Variants in KDM5B observed in about 807,000 individuals in gnomAD.
KDM5B encodes the protein lysine-specific demethylase 5B.
A neutral mutation model predicts 193.4 loss-of-function variants in KDM5B; 144 were observed. That is an observed-to-expected ratio of 0.74 (90% confidence interval 0.65 to 0.86). KDM5B has a LOEUF of 0.86. Among genes scored for constraint, KDM5B ranks in the 40% least tolerant of loss-of-function variants. The pLI is 0.00. For synonymous variants in KDM5B, 668 were observed against 682.6 expected (o/e 0.98, Z 0.33); for missense variants, 1,833 against 1,886.9 (o/e 0.97, Z 0.53).
At chr1:202,756,258 T>C in intron 10 of KDM5B, 100 bp downstream of exon 10, 2 of 940,980 alleles carry the variant, frequency 2.1e-6, no homozygotes, top group South Asian at 3.8e-5. Flanking sequence ...ATTAAAAATC[T>C]GGTAATTAAG....
rs1447474133 is a variant in KDM5B, at chr1:202,792,233, TTGG to T, written c.205-15142_205-15140del. Among the ~76,000 whole-genome samples the T allele has an allele frequency of 2.6e-5, 4 of 151,898 alleles. No homozygotes were observed. In the East Asian group the frequency reaches 7.8e-4, roughly 29 times the overall value. On this transcript the variant is annotated intron_variant, in intron 1 of 26. Coordinates refer to ENST00000367265, the MANE Select transcript of KDM5B (RefSeq NM_006618.5). ...TTTGTTTTCTATATTTTGAGGGATT[TTGG>T]TGTTTAGATTTTTTTTTTTTTTTTG... is the stretch of plus-strand genomic sequence containing the variant.
intron 17 of KDM5B, 29 bp from the exon 18 acceptor site, chr1:202,742,534 T>C: frequency 1.9e-6 from 3 of 1,607,022 alleles, no homozygotes; most frequent in Non-Finnish European, 2.6e-6. Flanking sequence ...AAGGAAGCCA[T>C]ATAAGAATAC....
intron 1 of KDM5B, among the ~76,000 whole-genome samples, chr1:202,802,353 T>C (rs1324064644): frequency 6.6e-6 from 1 of 152,182 alleles, no homozygotes; most frequent in Non-Finnish European, 1.5e-5. Context: ...TTTTTTTTAA[T>C]CAAATAGTTT....
intron 15 of KDM5B, 78 bp downstream of exon 15, chr1:202,746,064 C>T: frequency 1.3e-6 from 2 of 1,587,916 alleles, no homozygotes; most frequent in Non-Finnish European, 1.7e-6. Flanking sequence ...CATTTCAGCC[C>T]TAGAACTGCG....
intron 1 of KDM5B, among the ~76,000 whole-genome samples, chr1:202,782,873 T>G (rs1384942157): frequency 2.6e-5 from 4 of 152,224 alleles, no homozygotes; most frequent in Admixed American, 2.6e-4. Context: ...CTTTCAAAAC[T>G]TGAAAGTAAG....
chr1:202,808,068 C>A, intron 1 of KDM5B, 34 bp downstream of exon 1: 1 of 1,598,976 alleles, frequency 6.3e-7, no homozygotes, highest in South Asian at 1.1e-5. Flanking sequence ...CTCCCCCAGC[C>A]ACGAGCTGGA....
intron 1 of KDM5B, among the ~76,000 whole-genome samples, chr1:202,804,536 G>A (rs1658206050): frequency 6.6e-6 from 1 of 152,118 alleles, no homozygotes; most frequent in African/African-American, 2.4e-5. Flanking sequence ...CTCTAGGAGT[G>A]GAACCAACAG....
At chr1:202,741,978 C>T (rs970961380) in intron 18 of KDM5B, among the ~76,000 whole-genome samples, 9 of 150,768 alleles carry the variant, frequency 6.0e-5, no homozygotes, top group African/African-American at 1.9e-4. Flanking sequence ...TGGGTTCAAG[C>T]GATTCTCCTG....
Position 202,742,650 on chromosome 1 carries a change from C to A in KDM5B, c.2474+5G>T, listed in dbSNP as rs56042155. ...ATCCAAACTCACGCAGTCAGAAGCG[C>A]ATACCTAGTTTGCCTTTTGCCATTA... On this transcript the variant is annotated splice_donor_5th_base_variant and intron_variant, in intron 17 of 26. Transcript: ENST00000367265. 46,223 of 1,613,742 alleles carry A rather than the reference C, an allele frequency of 0.029. 865 individuals carry two copies. The highest frequency in any genetic ancestry group is 0.033 in the Non-Finnish European group (38,601 of 1,179,768).
chr1:202,730,855 A>G, intron 25 of KDM5B, 54 bp downstream of exon 25: 2 of 1,509,040 alleles, frequency 1.3e-6, no homozygotes, highest in Non-Finnish European at 1.8e-6. Context: ...AGTAAAATAA[A>G]GCATACCCCC....
chr1:202,740,753 G>A lies in KDM5B; in HGVS notation c.3005C>T (p.Ala1002Val). 6.2e-7 allele frequency: 1 copy of A among 1,612,972 alleles called. No homozygotes were observed. Among genetic ancestry groups the A allele is most frequent in the Non-Finnish European group, 8.5e-7 (1 of 1,179,916 alleles). Residue 1002 changes from alanine to valine, a missense_variant, in exon 20 of 27, where the codon GCA (alanine) becomes GTA (valine). This residue lies in a region of KDM5B where 1,379 missense variants were observed against 1,349.6 expected (regional missense o/e 1.02). Transcript: ENST00000367265. ...TAVKEIEEIP[A>V]YLPNGAALKD... is the part of the protein sequence containing the mutation. ...CAGAGCCGCACCATTGGGCAGATAT[G>A]CAGGGATCTCTTCGATTTCCTTTAC...
chr1:202,750,646 T>G lies in KDM5B; in HGVS notation c.1821+13A>C, dbSNP rs201288025. ...ATAAATTTGAAAAGGTTAACTACAT[T>G]GTAATTACATACCCAATCAACAGTG... is the stretch of plus-strand genomic sequence containing the variant. On this transcript the variant is annotated intron_variant, in intron 13 of 26. Coordinates refer to ENST00000367265, the MANE Select transcript of KDM5B (RefSeq NM_006618.5). 8.1e-6 allele frequency: 13 copies of G among 1,611,936 alleles called. No individual in the cohort carries two copies. The East Asian group carries it at 1.3e-4, about 17-fold the overall frequency.
At position 202,757,624 on chromosome 1, in the gene KDM5B, G is replaced by A. The variant is rs139357771; in HGVS notation, c.1197+767C>T. Reference sequence around the variant, plus strand: ...AAATTCAAATGGAGTATAAATTTAAGTCCATTAAATAAGCAAACATTTTAA... The same window carrying A: ...AAATTCAAATGGAGTATAAATTTAAATCCATTAAATAAGCAAACATTTTAA... On this transcript the variant is annotated intron_variant, in intron 9 of 26. Coordinates refer to ENST00000367265, the MANE Select transcript of KDM5B (RefSeq NM_006618.5). Among the ~76,000 whole-genome samples, 23 of 152,314 alleles carry A rather than the reference G, an allele frequency of 1.5e-4. No individual in the cohort carries two copies. In the East Asian group the frequency reaches 2.3e-3, roughly 15 times the overall value.
chr1:202,777,461 A>C (rs903936210), intron 1 of KDM5B, among the ~76,000 whole-genome samples: 1 of 152,012 alleles, frequency 6.6e-6, no homozygotes, highest in East Asian at 1.9e-4. Context: ...ATAACTTTAA[A>C]AAACACATTT....
chr1:202,760,675 A>AG, intron 7 of KDM5B, 102 bp from the exon 8 acceptor site: 1 of 723,744 alleles, frequency 1.4e-6, no homozygotes, highest in Non-Finnish European at 2.2e-6. Flanking sequence ...TCTAGTCTCT[A>AG]CATCCTGCTA....
rs1298873263 is a variant in KDM5B, at chr1:202,725,247, T to A, written c.*3789A>T. On this transcript the variant is annotated 3_prime_UTR_variant, in exon 27 of 27. Coordinates refer to ENST00000367265, the MANE Select transcript of KDM5B (RefSeq NM_006618.5). ...AGGTGTATTCCTATGTAAGCAATATTGAAACATGAAAAACTTGTTCACATA... is the reference window on the plus strand; with the variant it reads ...AGGTGTATTCCTATGTAAGCAATATAGAAACATGAAAAACTTGTTCACATA... 2 of 152,230 alleles carry A rather than the reference T, an allele frequency of 1.3e-5. No individual in the cohort carries two copies. The highest frequency in any genetic ancestry group is 4.8e-5 in the African/African-American group (2 of 41,456). The allele number at this position is 152,230 out of a possible 1,614,324, so 9.4% of individuals were successfully genotyped here. A position where few individuals can be genotyped will look rare whatever the true frequency, so the allele number is the denominator to read the frequency against.
Position 202,724,530 on chromosome 1 carries a change from G to C in KDM5B, c.*4506C>G, listed in dbSNP as rs1558473779. On this transcript the variant is annotated 3_prime_UTR_variant, in exon 27 of 27. Coordinates refer to ENST00000367265, the MANE Select transcript of KDM5B (RefSeq NM_006618.5). ...CAAATTCTTTATGCATTTTAAAGAA[G>C]CTCAATCAAGCTCACATCATAGATA... The C allele has an allele frequency of 6.6e-6, 1 of 152,016 alleles. No homozygotes were observed. The highest frequency in any genetic ancestry group is 1.5e-5 in the Non-Finnish European group (1 of 67,988). The allele number at this position is 152,016 out of a possible 1,614,324, so 9.4% of individuals were successfully genotyped here.
chr1:202,780,788 T>TA (rs11412721), intron 1 of KDM5B, among the ~76,000 whole-genome samples: 54,112 of 129,174 alleles, frequency 0.42, 12,394 homozygotes, highest in Non-Finnish European at 0.53. Context: ...TTGCCATTAC[T>TA]AAAAAAAAAA....
At chr1:202,760,060 C>A (rs1047772562) in intron 8 of KDM5B, among the ~76,000 whole-genome samples, 1 of 152,244 alleles carries the variant, frequency 6.6e-6, no homozygotes, top group South Asian at 2.1e-4. Context: ...GACCTGTAAT[C>A]CCAGCAATTT....
Sources: gnomAD v4.1 joint callset for allele counts (sites outside exome capture counted in the v4.1 genomes callset) on GRCh38, gnomAD v4.1.1 for gene constraint, gnomAD v4.1.1 regional missense constraint, MANE v1.5 for transcripts, NCBI Gene and HGNC (gene_info 2026-07-23, HGNC 2026-07-21) for gene names.